The following CA10 variants were observed in gnomAD, a reference collection of about 807,000 sequenced individuals.
CA10 encodes carbonic anhydrase-related protein 10.
A neutral mutation model predicts 44.2 loss-of-function variants in CA10; 14 were observed. The ratio of observed to expected loss-of-function variants is 0.32; its 90% confidence interval spans 0.21 to 0.50. The LOEUF is 0.50. Ranked by LOEUF, CA10 falls within the 20% of genes least tolerant of loss-of-function variation. The probability of loss-of-function intolerance (pLI) is 0.99; values close to 1 mark genes in which losing one functional copy is unlikely to be tolerated. For synonymous variants in CA10, 159 were observed against 141.6 expected, an observed-to-expected ratio of 1.12 and a Z score of -0.87; for missense variants, 350 against 409.7, an observed-to-expected ratio of 0.85 and a Z score of 1.26.
chr17:52,129,681 G>T (rs1989192026), intron 1 of CA10, among the ~76,000 whole-genome samples: 1 of 152,186 alleles, frequency 6.6e-6, no homozygotes, highest in African/African-American at 2.4e-5. Flanking sequence ...GTACTCATTA[G>T]ATGCCTAATT....
intron 4 of CA10, among the ~76,000 whole-genome samples, chr17:51,704,220 T>G: frequency 6.6e-6 from 1 of 152,134 alleles, no homozygotes; most frequent in East Asian, 1.9e-4. Context: ...TTCCGGCCAT[T>G]TATTTATCCA....
intron 4 of CA10, among the ~76,000 whole-genome samples, chr17:51,706,530 T>C (rs901269201): frequency 3.9e-4 from 59 of 152,238 alleles, no homozygotes; most frequent in African/African-American, 1.4e-3. Flanking sequence ...AGGACTGTAG[T>C]GGCCTCCTAA....
chr17:51,946,808 A>C (rs926603116), intron 2 of CA10, among the ~76,000 whole-genome samples: 2 of 152,162 alleles, frequency 1.3e-5, no homozygotes, highest in Non-Finnish European at 2.9e-5. Context: ...GCGTCTTAAT[A>C]ATCCTTGTAG....
chr17:51,633,790 T>G, intron 7 of CA10, 140 bp from the exon 8 acceptor site: 1 of 845,846 alleles, frequency 1.2e-6, no homozygotes, highest in Non-Finnish European at 1.8e-6. Flanking sequence ...CAGAGTCCCT[T>G]TTTTCCATGG....
intron 1 of CA10, among the ~76,000 whole-genome samples, chr17:52,138,155 G>A (rs973832333): frequency 5.3e-5 from 8 of 152,042 alleles, no homozygotes; most frequent in South Asian, 4.1e-4. Context: ...CCAGCTACTG[G>A]GGATCTTTTG....
At chr17:51,961,449 G>A (rs1359277357) in intron 2 of CA10, among the ~76,000 whole-genome samples, 1 of 151,234 alleles carries the variant, frequency 6.6e-6, no homozygotes, top group African/African-American at 2.4e-5. Flanking sequence ...AAAGAGAAAT[G>A]TCAAAGGCAA....
intron 3 of CA10, among the ~76,000 whole-genome samples, chr17:51,849,227 G>GTATATATATATACATATA (rs1978665195): frequency 7.9e-5 from 2 of 25,400 alleles, no homozygotes; most frequent in South Asian, 1.4e-3. Context: ...ATACATATAT[G>GTATATATATATACATATA]TGTGTGTATA....
chr17:52,089,191 G>A (rs1336834748), intron 1 of CA10, among the ~76,000 whole-genome samples: 1 of 152,200 alleles, frequency 6.6e-6, no homozygotes, highest in Admixed American at 6.5e-5. Flanking sequence ...GATTACAGAA[G>A]TGTGCAAGAA....
intron 1 of CA10, among the ~76,000 whole-genome samples, chr17:52,120,444 C>A (rs745892454): frequency 1.3e-4 from 19 of 151,374 alleles, no homozygotes; most frequent in Non-Finnish European, 2.8e-4. Context: ...TTATCCTTAT[C>A]CTTATCCTTA....
At chr17:52,128,817 C>T (rs774234548) in intron 1 of CA10, among the ~76,000 whole-genome samples, 129 of 152,120 alleles carry the variant, frequency 8.5e-4, no homozygotes, top group Non-Finnish European at 1.5e-3. Flanking sequence ...TCCAGCTCAG[C>T]TGCTGAGGGA....
chr17:51,886,060 A>G (rs1477268356), intron 3 of CA10, among the ~76,000 whole-genome samples: 1 of 152,204 alleles, frequency 6.6e-6, no homozygotes, highest in Non-Finnish European at 1.5e-5. Flanking sequence ...AGAACACAAA[A>G]TAGACTACTC....
chr17:52,152,361 C>A (rs1989721162), intron 1 of CA10, among the ~76,000 whole-genome samples: 1 of 152,122 alleles, frequency 6.6e-6, no homozygotes, highest in Admixed American at 6.6e-5. Context: ...TAAGTGGGCT[C>A]ATCCCAACTT....
intron 3 of CA10, among the ~76,000 whole-genome samples, chr17:51,810,088 C>T (rs1205540686): frequency 4.6e-5 from 7 of 152,136 alleles, no homozygotes; most frequent in Non-Finnish European, 7.3e-5. Flanking sequence ...TGCAGAAAGA[C>T]CCGGTCTGTA....
intron 1 of CA10, among the ~76,000 whole-genome samples, chr17:52,090,712 T>C (rs1348954243): frequency 6.6e-6 from 1 of 152,022 alleles, no homozygotes; most frequent in Non-Finnish European, 1.5e-5. Flanking sequence ...AACCTAAGGG[T>C]TTTTTATGCA....
At chr17:52,055,346 GA>G (rs10719126) in intron 2 of CA10, among the ~76,000 whole-genome samples, 112,156 of 122,812 alleles carry the variant, frequency 0.91, 51,177 homozygotes, top group East Asian at 0.96. Context: ...TCCTTCTGGT[GA>G]AAAAAAAAAA....
intron 3 of CA10, among the ~76,000 whole-genome samples, chr17:51,892,660 G>A (rs748496893): frequency 2.6e-5 from 4 of 152,148 alleles, no homozygotes; most frequent in African/African-American, 4.8e-5. Flanking sequence ...AGCCAATTCC[G>A]GCTAAGGCAG....
At chr17:51,729,311 T>C (rs1238063879) in intron 4 of CA10, among the ~76,000 whole-genome samples, 1 of 152,196 alleles carries the variant, frequency 6.6e-6, no homozygotes, top group African/African-American at 2.4e-5. Context: ...TTTTATTCAA[T>C]GTCATCTTTT....
At chr17:52,010,347 C>T (rs2144134076) in intron 2 of CA10, among the ~76,000 whole-genome samples, 1 of 152,022 alleles carries the variant, frequency 6.6e-6, no homozygotes, top group Non-Finnish European at 1.5e-5. Flanking sequence ...ATGGAACTAA[C>T]CCAAATGCCC....
chr17:51,686,695 G>T (rs977439999), intron 4 of CA10, among the ~76,000 whole-genome samples: 1 of 152,014 alleles, frequency 6.6e-6, no homozygotes, highest in African/African-American at 2.4e-5. Flanking sequence ...TCTCCACTTG[G>T]ATGTATACTT....
Sources: allele counts gnomAD v4.1 joint callset (sites outside exome capture counted in the v4.1 genomes callset), GRCh38; gene constraint gnomAD v4.1.1; transcripts MANE v1.5; gene names NCBI Gene and HGNC (gene_info 2026-07-23, HGNC 2026-07-21).